XPC: variants seen among roughly 807,000 people sequenced by gnomAD.
XPC encodes the protein DNA repair protein complementing XP-C cells.
In XPC, 76 loss-of-function variants were observed where a neutral mutation model predicts 95.8. The observed-to-expected ratio is 0.79, with a 90% CI of 0.66 to 0.96. XPC has a LOEUF of 0.96. XPC is among the 40% of genes least tolerant of loss of function. The pLI, the probability that XPC is intolerant of heterozygous loss-of-function variation, is 0.00. For synonymous variants in XPC, 442 were observed against 442.1 expected (o/e 1.00, Z 0.00); for missense variants, 1,146 against 1,179.8 (o/e 0.97, Z 0.42).
At chr3:14,166,789 C>T (rs1226705779) in intron 5 of XPC, among the ~76,000 whole-genome samples, 1 of 152,206 alleles carries the variant, frequency 6.6e-6, no homozygotes, top group African/African-American at 2.4e-5. Flanking sequence ...AAGTCTCTAT[C>T]CCCACCATGC....
chr3:14,150,787 A>G (rs1179982835), intron 11 of XPC, among the ~76,000 whole-genome samples: 1 of 152,188 alleles, frequency 6.6e-6, no homozygotes. Flanking sequence ...AGAGGCTTAA[A>G]GGGGCAAGGG....
intron 11 of XPC, chr3:14,149,962 G>A (rs1472459750): frequency 6.6e-6 from 1 of 152,244 alleles, no homozygotes. Flanking sequence ...CAGTGACTGA[G>A]ACTGAGAGAC....
intron 14 of XPC, 125 bp downstream of exon 14, chr3:14,147,783 C>T: frequency 2.4e-6 from 2 of 836,390 alleles, no homozygotes; most frequent in East Asian, 2.7e-5. Flanking sequence ...CGGGTGCCTG[C>T]CATGATGTCA....
At position 14,157,083 on chromosome 3, in the gene XPC, A is replaced by G. The variant is rs3731134; in HGVS notation, c.1873-588T>C. Reference sequence around the variant, plus strand: ...CCCAACAGACTAGAAAGGACTGGCAATGTGGAGTTGCTGAGAGTGGGAGAG... The same window carrying G: ...CCCAACAGACTAGAAAGGACTGGCAGTGTGGAGTTGCTGAGAGTGGGAGAG... On this transcript the variant is annotated intron_variant, in intron 9 of 15. Transcript: ENST00000285021. 9.9e-3 allele frequency among the ~76,000 whole-genome samples: 1,505 copies of G among 152,290 alleles called. 25 individuals carry two copies. The highest frequency in any genetic ancestry group is 0.034 in the African/African-American group (1,413 of 41,560).
chr3:14,151,352 T>A (rs958875758), intron 11 of XPC: 9 of 152,214 alleles, frequency 5.9e-5, no homozygotes, highest in Admixed American at 3.3e-4. Flanking sequence ...CTGTTTTTGG[T>A]TTTTAATGTA....
rs1695514537 is a variant in XPC at position 14,147,988 on chromosome 3, T to C, written c.2434A>G (p.Ile812Val). The change falls in exon 14 of 16, where the codon ATC (isoleucine) becomes GTC (valine). Residue 812 changes from isoleucine (I) to valine (V), a missense_variant. Transcript: ENST00000285021. ...ACGTCTTTGAATTCCTCGCAGACGA[T>C]GTATCCATCAGTCCTGTGGGGACAC... is the stretch of plus-strand genomic sequence containing the variant. ...GYSHPVTDGY[I>V]VCEEFKDVLL... 6.3e-7 allele frequency: 1 copy of C among 1,588,974 alleles called. No individual in the cohort carries two copies. Among genetic ancestry groups the C allele is most frequent in the Non-Finnish European group, 8.6e-7 (1 of 1,166,594 alleles).
At position 14,178,487 on chromosome 3, in the gene XPC, G is replaced by C. The variant is rs746994711; in HGVS notation, c.82C>G (p.Arg28Gly). Reference protein sequence around the residue: ...SQKSKAKSKARREEEEEDAFE... With the variant: ...SQKSKAKSKAGREEEEEDAFE... ...TCACCCTCCTCCTCCTCCTCACGCC[G>C]GGCCTTGCTCTTGGCCTTGGATTTC... The change falls in exon 1 of 16, where the codon CGG (arginine) becomes GGG (glycine). Residue 28 changes from arginine (R) to glycine (G), a missense_variant. Coordinates refer to ENST00000285021, the MANE Select transcript of XPC (RefSeq NM_004628.5). 6.2e-7 allele frequency: 1 copy of C among 1,611,370 alleles called. No homozygotes were observed. Among genetic ancestry groups the C allele is most frequent in the Non-Finnish European group, 8.5e-7 (1 of 1,178,936 alleles).
At chr3:14,157,546 G>A (rs746717793) in intron 9 of XPC, among the ~76,000 whole-genome samples, 5 of 152,066 alleles carry the variant, frequency 3.3e-5, no homozygotes, top group Non-Finnish European at 4.4e-5. Context: ...GTCTCATTCC[G>A]AGACAGTATC....
At chr3:14,171,320 C>T (rs1033115864) in intron 2 of XPC, among the ~76,000 whole-genome samples, 40 of 152,172 alleles carry the variant, frequency 2.6e-4, no homozygotes, top group African/African-American at 9.7e-4. Context: ...TAATAATACA[C>T]TCTTTTTTTA....
chr3:14,157,987 A>G (rs1465766739), intron 9 of XPC, 24 bp downstream of exon 9: 1 of 1,576,112 alleles, frequency 6.3e-7, no homozygotes, highest in Non-Finnish European at 8.6e-7. Context: ...TGTGTCTTGG[A>G]GCCCCTGGCA....
chr3:14,153,736 C>T (rs1425090741), intron 10 of XPC, among the ~76,000 whole-genome samples: 1 of 152,192 alleles, frequency 6.6e-6, no homozygotes, highest in East Asian at 1.9e-4. Context: ...TATGGGGATC[C>T]AACCTCATCC....
intron 3 of XPC, 83 bp from the exon 4 acceptor site, chr3:14,168,463 G>T: frequency 6.5e-7 from 1 of 1,545,110 alleles, no homozygotes; most frequent in East Asian, 2.3e-5. Flanking sequence ...AGGTTCTGCT[G>T]GGAAGGAGGA....
At chr3:14,165,330 G>A (rs560159150) in intron 6 of XPC, 98 bp downstream of exon 6, 65 of 1,408,202 alleles carry the variant, frequency 4.6e-5, no homozygotes, top group Middle Eastern at 2.6e-4. Context: ...CATAGTTACC[G>A]CCTCAGGGAA....
intron 1 of XPC, among the ~76,000 whole-genome samples, 168 bp from the exon 2 acceptor site, chr3:14,173,230 C>T (rs1368414806): frequency 2.0e-5 from 3 of 152,202 alleles, no homozygotes; most frequent in Non-Finnish European, 4.4e-5. Flanking sequence ...CTTCTTCCCA[C>T]CTGCGGCTAG....
Position 14,145,594 on chromosome 3 carries a change from C to T in XPC, c.*347G>A, listed in dbSNP as rs1361425010. Reference sequence around the variant, plus strand: ...CCATCCAGAAATCTCCCGGTGGCTTCCATACAAAAACTGATGTTTCTAAAG... The same window carrying T: ...CCATCCAGAAATCTCCCGGTGGCTTTCATACAAAAACTGATGTTTCTAAAG... On this transcript the variant is annotated 3_prime_UTR_variant, in exon 16 of 16. Coordinates refer to ENST00000285021, the MANE Select transcript of XPC (RefSeq NM_004628.5). The T allele has an allele frequency of 1.4e-6, 1 of 699,532 alleles. No homozygotes were observed. The highest frequency in any genetic ancestry group is 2.6e-6 in the Non-Finnish European group (1 of 384,756). 43.3% of individuals were successfully genotyped at this position (699,532 alleles called of 1,614,324 possible).
At position 14,158,904 on chromosome 3, in the gene XPC, TAAGAA is replaced by T. The variant is rs1325773969; in HGVS notation, c.991-17_991-13del. On this transcript the variant is annotated splice_polypyrimidine_tract_variant and intron_variant, in intron 8 of 15. Transcript: ENST00000285021. This position sits in a 1 kb window ranked among gnomAD's most constrained non-coding sequence, Gnocchi z 5.2. Reference sequence around the variant, plus strand: ...GAAGGTTTCTTTCCCTTAAACAGAATAAGAAATTTTGCTTTTTTTTCTCCCCCCTC... The same window carrying T: ...GAAGGTTTCTTTCCCTTAAACAGAATATTTTGCTTTTTTTTCTCCCCCCTC... The T allele has an allele frequency of 5.6e-6, 9 of 1,613,666 alleles. No homozygotes were observed. Among genetic ancestry groups the T allele is most frequent in the Non-Finnish European group, 7.6e-6 (9 of 1,179,844 alleles).
chr3:14,150,913 A>G (rs574453422), intron 11 of XPC, among the ~76,000 whole-genome samples: 2 of 152,176 alleles, frequency 1.3e-5, no homozygotes, highest in Non-Finnish European at 1.5e-5. Flanking sequence ...ATCACTGTGC[A>G]CCATGGGGAG....
chr3:14,147,401 G>T, intron 14 of XPC, 22 bp from the exon 15 acceptor site: 2 of 1,587,748 alleles, frequency 1.3e-6, no homozygotes, highest in East Asian at 2.3e-5. Flanking sequence ...AATGAAGTGG[G>T]AGAAAAGTGT....
At chr3:14,170,284 T>TTTC (rs1252480647) in intron 3 of XPC, among the ~76,000 whole-genome samples, 154 bp downstream of exon 3, 1 of 152,196 alleles carries the variant, frequency 6.6e-6, no homozygotes, top group East Asian at 1.9e-4. Flanking sequence ...TTTTTCCATA[T>TTTC]ATATCAAAGC....
Sources: allele counts gnomAD v4.1 joint callset (sites outside exome capture counted in the v4.1 genomes callset), GRCh38; gene constraint gnomAD v4.1.1; non-coding constraint Gnocchi (gnomAD v3.1); transcripts MANE v1.5; gene names NCBI Gene and HGNC (gene_info 2026-07-23, HGNC 2026-07-21).